Variants in ZAP70 observed in about 807,000 individuals in gnomAD.
The protein encoded by ZAP70 is zeta chain of T cell receptor associated protein kinase 70.
Under a neutral mutation model 65.8 loss-of-function variants are expected in ZAP70, and 27 were observed. That is an observed-to-expected ratio of 0.41 (90% CI 0.30 to 0.57). ZAP70 has a LOEUF of 0.57. ZAP70 is among the 20% of genes least tolerant of loss of function. The pLI, the probability that ZAP70 is intolerant of heterozygous loss-of-function variation, is 0.28. For missense variants in ZAP70, 696 were observed against 870.5 expected (o/e 0.80, Z 2.52); for synonymous variants, 363 against 360.8 (o/e 1.01, Z -0.07).
intron 6 of ZAP70, 36 bp downstream of exon 6, chr2:97,733,248 C>T (rs1341645863): frequency 1.1e-5 from 18 of 1,608,802 alleles, no homozygotes; most frequent in Middle Eastern, 1.7e-4. Flanking sequence ...TGGGCGGGGG[C>T]GGCAGGAGAC....
At chr2:97,755,802 T>TGAAG in the ZAP70 span, among the ~76,000 whole-genome samples, 1 of 152,294 alleles carries the variant, frequency 6.6e-6, no homozygotes, top group East Asian at 1.9e-4. Flanking sequence ...TTCCTCAGAC[T>TGAAG]GAAGGCTGGT....
At chr2:97,742,625 G>C (rs533364138), downstream of ZAP70, among the ~76,000 whole-genome samples, 156 of 152,374 alleles carry the variant, frequency 1.0e-3, no homozygotes, top group South Asian at 2.3e-3. Context: ...TGTGCCTGTA[G>C]CTTTGTCCTT....
At position 97,715,058 on chromosome 2, in the gene ZAP70, G is replaced by C. The variant is rs7425883; in HGVS notation, c.-22+1064G>C. ...CCGGCACATACAGGTGCTGCAGAAA[G>C]GTCTCACTAAAACCCTCATTATCCT... On this transcript the variant is annotated intron_variant, in intron 2 of 13. Coordinates refer to ENST00000264972, the MANE Select transcript of ZAP70 (RefSeq NM_001079.4). The surrounding 1 kb of genome is among the most constrained non-coding windows in gnomAD (Gnocchi z 4.1). Among the ~76,000 whole-genome samples, 28,346 of 152,108 alleles carry C rather than the reference G, an allele frequency of 0.19. 2,909 individuals are homozygous for C. Among genetic ancestry groups the C allele is most frequent in the Middle Eastern group, 0.29 (85 of 294 alleles).
chr2:97,738,222 C>G (rs1677992980), intron 13 of ZAP70, 115 bp downstream of exon 13: 2 of 1,091,032 alleles, frequency 1.8e-6, no homozygotes, highest in South Asian at 2.7e-5. Context: ...AGCCCTTCAC[C>G]CAGTTCATAG....
At chr2:97,714,065 C>G (rs1676815357) in intron 2 of ZAP70, 71 bp downstream of exon 2, 1 of 152,976 alleles carries the variant, frequency 6.5e-6, no homozygotes, top group South Asian at 2.1e-4. Flanking sequence ...AGGAGGAAGA[C>G]AGAATATTAA....
rs1210820710 is a variant in ZAP70 at position 97,724,893 on chromosome 2, G to C, written c.403-199G>C. The C allele has an allele frequency of 5.2e-6, 8 of 1,533,040 alleles. 1 individual carries two copies. In the Admixed American group the frequency reaches 9.8e-5, roughly 19 times the overall value. 95.0% of individuals were successfully genotyped at this position (1,533,040 alleles called of 1,614,324 possible). A position where few individuals can be genotyped will look rare whatever the true frequency, so the allele number is the denominator to read the frequency against. On this transcript the variant is annotated intron_variant, in intron 3 of 13. Transcript: ENST00000264972. ...AGATGCGCTTGGGGCCGCGCTGGAA[G>C]GTGGGGGTGGTTCCTCCCTAGCTGG...
chr2:97,755,452 GCA>G, the ZAP70 span, among the ~76,000 whole-genome samples: 1 of 152,298 alleles, frequency 6.6e-6, no homozygotes, highest in Non-Finnish European at 1.5e-5. Context: ...TTCCTCAGTA[GCA>G]CACAGGTTGC....
Position 97,732,875 on chromosome 2 carries a change from C to T in ZAP70, c.564-8C>T, listed in dbSNP as rs776979278. The T allele has an allele frequency of 1.2e-6, 2 of 1,613,854 alleles. No individual in the cohort carries two copies. Among genetic ancestry groups the T allele is most frequent in the Non-Finnish European group, 1.7e-6 (2 of 1,180,016 alleles). On this transcript the variant is annotated splice_region_variant and splice_polypyrimidine_tract_variant and intron_variant, in intron 4 of 13. Transcript: ENST00000264972. Reference sequence around the variant, plus strand: ...CTAGGGGTTACATCCCCTCCCTTCCCCTGCCAGGCTGAGGCCGCGGAAGGA... The same window carrying T: ...CTAGGGGTTACATCCCCTCCCTTCCTCTGCCAGGCTGAGGCCGCGGAAGGA...
rs1214751672 is a variant in ZAP70, at chr2:97,715,413, GC to G, written c.-22+1421del. Among the ~76,000 whole-genome samples, 6 of 152,114 alleles carry G rather than the reference GC, an allele frequency of 3.9e-5. No individual in the cohort carries two copies. The highest frequency in any genetic ancestry group is 1.4e-4 in the African/African-American group (6 of 41,404). On this transcript the variant is annotated intron_variant, in intron 2 of 13. Transcript: ENST00000264972. This position sits in a 1 kb window ranked among gnomAD's most constrained non-coding sequence, Gnocchi z 4.1. Reference sequence around the variant, plus strand: ...AGCCCCTATCCTCCTGACTCACACCGCCTTTTCCCATCTCCCTTTTACAGTC... The same window carrying G: ...AGCCCCTATCCTCCTGACTCACACCGCTTTTCCCATCTCCCTTTTACAGTC...
intron 2 of ZAP70, among the ~76,000 whole-genome samples, chr2:97,719,246 G>A (rs148289772): frequency 4.0e-5 from 6 of 151,688 alleles, no homozygotes; most frequent in African/African-American, 1.5e-4. Flanking sequence ...GATGATGCCA[G>A]CACCAACCGA....
At chr2:97,734,258 C>A (rs1379579265) in intron 8 of ZAP70, 3 of 976,654 alleles carry the variant, frequency 3.1e-6, no homozygotes, top group Non-Finnish European at 4.3e-6. Flanking sequence ...CCAGCTGGCA[C>A]AGTAACGGTG....
intron 2 of ZAP70, among the ~76,000 whole-genome samples, chr2:97,718,261 G>A (rs1002371716): frequency 4.6e-5 from 7 of 152,168 alleles, no homozygotes; most frequent in South Asian, 2.1e-4. Flanking sequence ...TTGATCCCCT[G>A]CCTGGGGTCT....
intron 9 of ZAP70, 83 bp downstream of exon 9, chr2:97,734,795 G>T: frequency 6.4e-7 from 1 of 1,555,950 alleles, no homozygotes; most frequent in Admixed American, 1.7e-5. Flanking sequence ...ACGGGAGCCG[G>T]GATGTCTGTC....
the ZAP70 span, among the ~76,000 whole-genome samples, chr2:97,755,539 A>G: frequency 6.6e-6 from 1 of 152,184 alleles, no homozygotes; most frequent in Non-Finnish European, 1.5e-5. Flanking sequence ...ACCAGTGGGT[A>G]AATAGCTGTT....
rs867355716 is a variant in ZAP70 at position 97,739,660 on chromosome 2, C to A, written c.*162C>A. The A allele has an allele frequency of 1.8e-6, 2 of 1,141,594 alleles. No homozygotes were observed. Among genetic ancestry groups the A allele is most frequent in the Middle Eastern group, 2.9e-4 (1 of 3,452 alleles). The allele number at this position is 1,141,594 out of a possible 1,614,324, so 70.7% of individuals were successfully genotyped here. On this transcript the variant is annotated 3_prime_UTR_variant, in exon 14 of 14. Coordinates refer to ENST00000264972, the MANE Select transcript of ZAP70 (RefSeq NM_001079.4). The stretch of plus-strand genomic sequence containing the variant: ...CACCGGCCTTGCATTGCCTGCCTGG[C>A]CCCCTGTCCTCTCTGGCTGGGGAGC...
rs776529133 is a variant in ZAP70 at position 97,733,201 on chromosome 2, G to GC, written c.780dup (p.Asn261GlnfsTer35). On this transcript the variant is annotated frameshift_variant, in exon 6 of 14. Coordinates refer to ENST00000264972, the MANE Select transcript of ZAP70 (RefSeq NM_001079.4). LOFTEE classifies it high-confidence loss of function. Reference sequence around the variant, plus strand: ...GAGGCCTGCCCCAACAGCAGTGCCAGCAACGCCTCAGGTGACGGCAGCAGG... The same window carrying GC: ...GAGGCCTGCCCCAACAGCAGTGCCAGCCAACGCCTCAGGTGACGGCAGCAGG... The GC allele has an allele frequency of 6.2e-7, 1 of 1,613,602 alleles. No individual in the cohort carries two copies. Among genetic ancestry groups the GC allele is most frequent in the Non-Finnish European group, 8.5e-7 (1 of 1,179,882 alleles).
chr2:97,732,760 C>T, intron 4 of ZAP70, 123 bp from the exon 5 acceptor site: 1 of 1,434,712 alleles, frequency 7.0e-7, no homozygotes, highest in Non-Finnish European at 9.5e-7. Context: ...TTCCCCAGTC[C>T]CTGCAGCTTC....
At chr2:97,747,815 G>GTTTTTTGTT in the ZAP70 span, among the ~76,000 whole-genome samples, 2 of 54,746 alleles carry the variant, frequency 3.7e-5, no homozygotes, top group Non-Finnish European at 6.5e-5. Context: ...CTGGCACGAG[G>GTTTTTTGTT]TTTTTTTTTT....
intron 4 of ZAP70, among the ~76,000 whole-genome samples, chr2:97,727,677 A>G (rs1376727957): frequency 6.6e-6 from 1 of 152,148 alleles, no homozygotes; most frequent in East Asian, 1.9e-4. Flanking sequence ...TTTCTCTTTC[A>G]TAAAATGTAA....
Sources: allele counts gnomAD v4.1 joint callset (sites outside exome capture counted in the v4.1 genomes callset), GRCh38; gene constraint gnomAD v4.1.1; non-coding constraint Gnocchi (gnomAD v3.1); transcripts MANE v1.5; gene names NCBI Gene and HGNC (gene_info 2026-07-23, HGNC 2026-07-21).